Variants in FGFR2 observed in about 807,000 individuals in gnomAD.
FGFR2 encodes the protein BEK fibroblast growth factor receptor.
A neutral mutation model predicts 95.9 loss-of-function variants in FGFR2; 19 were observed. The ratio of observed to expected loss-of-function variants is 0.20; its 90% CI spans 0.14 to 0.29. FGFR2 has a LOEUF of 0.29. Among genes scored for constraint, FGFR2 ranks in the 10% least tolerant of loss-of-function variants. FGFR2 has a pLI of 1.00. For synonymous variants in FGFR2, 392 were observed against 393.3 expected, an observed-to-expected ratio of 1.00 and a Z score of 0.04; for missense variants, 707 against 1,056.9, an observed-to-expected ratio of 0.67 and a Z score of 4.59.
At chr10:121,550,097 T>A (rs1554947008) in intron 5 of FGFR2, among the ~76,000 whole-genome samples, 4 of 152,214 alleles carry the variant, frequency 2.6e-5, no homozygotes. Context: ...AATTTGGAAA[T>A]TCCATCTCTC....
At chr10:121,529,930 G>A (rs1851877541) in intron 6 of FGFR2, among the ~76,000 whole-genome samples, 1 of 152,128 alleles carries the variant, frequency 6.6e-6, no homozygotes, top group South Asian at 2.1e-4. Context: ...AGAGAGCTCT[G>A]CTCTATTTTC....
chr10:121,596,249 C>T (rs1863414702), intron 1 of FGFR2, among the ~76,000 whole-genome samples: 1 of 152,204 alleles, frequency 6.6e-6, no homozygotes, highest in Non-Finnish European at 1.5e-5. Flanking sequence ...GCCCCCCGGT[C>T]CATTTTCACC....
chr10:121,505,007 C>A (rs1848094788), intron 9 of FGFR2, among the ~76,000 whole-genome samples: 1 of 152,224 alleles, frequency 6.6e-6, no homozygotes, highest in Non-Finnish European at 1.5e-5. Flanking sequence ...AGGCAACTAG[C>A]CCACCCTGGG....
intron 2 of FGFR2, among the ~76,000 whole-genome samples, chr10:121,566,828 C>T (rs1017995240): frequency 6.6e-6 from 1 of 152,066 alleles, no homozygotes; most frequent in African/African-American, 2.4e-5. Context: ...AGACACATGG[C>T]CATGTCAAAC....
At chr10:121,556,843 G>A (rs1856236509) in intron 4 of FGFR2, among the ~76,000 whole-genome samples, 1 of 152,168 alleles carries the variant, frequency 6.6e-6, no homozygotes, top group Admixed American at 6.5e-5. Context: ...TCTGTCTCGA[G>A]TCTATAATTA....
intron 1 of FGFR2, chr10:121,594,193 CAG>C: frequency 6.8e-6 from 3 of 441,400 alleles, no homozygotes; most frequent in Non-Finnish European, 1.3e-5. Flanking sequence ...TTTTAAGAAA[CAG>C]AGATAAAACA....
chr10:121,545,335 A>G (rs1854343482), intron 5 of FGFR2, among the ~76,000 whole-genome samples: 1 of 152,218 alleles, frequency 6.6e-6, no homozygotes, highest in South Asian at 2.1e-4. Flanking sequence ...TGAAGCAAGC[A>G]GTTTAGCAAG....
intron 6 of FGFR2, chr10:121,526,629 G>T: frequency 2.5e-6 from 1 of 398,496 alleles, no homozygotes; most frequent in South Asian, 1.3e-4. Context: ...CGGCCAGGAA[G>T]ACCACCTTCA....
At chr10:121,570,350 C>A (rs768530520) in intron 2 of FGFR2, among the ~76,000 whole-genome samples, 1 of 152,212 alleles carries the variant, frequency 6.6e-6, no homozygotes, top group Non-Finnish European at 1.5e-5. Flanking sequence ...CCAGGCTGCG[C>A]GGAGCCAGGA....
At position 121,538,579 on chromosome 10, in the gene FGFR2, G is replaced by A. The variant is rs1383991810; in HGVS notation, c.748+13C>T. ...CTGGTATGCAGCCGCCACACGAGGA[G>A]AGGCAAACTCACCCACAACATCCAG... On this transcript the variant is annotated intron_variant, in intron 6 of 17. Transcript: ENST00000358487. The A allele has an allele frequency of 9.3e-6, 15 of 1,614,042 alleles. No individual in the cohort carries two copies. The highest frequency in any genetic ancestry group is 1.2e-5 in the Non-Finnish European group (14 of 1,180,036).
At position 121,489,093 on chromosome 10, in the gene FGFR2, A is replaced by G. The variant is rs41293777; in HGVS notation, c.1864-980T>C. Reference sequence around the variant, plus strand: ...TTGTTTTTGTTTTTTTTGTTTTAACATGGAGTCTTGTCCTTGTCGCCCAGG... The same window carrying G: ...TTGTTTTTGTTTTTTTTGTTTTAACGTGGAGTCTTGTCCTTGTCGCCCAGG... On this transcript the variant is annotated intron_variant, in intron 13 of 17. Coordinates refer to ENST00000358487, the MANE Select transcript of FGFR2 (RefSeq NM_000141.5). 6.6e-5 allele frequency among the ~76,000 whole-genome samples: 10 copies of G among 151,932 alleles called. No homozygotes were observed. In the East Asian group the frequency reaches 1.7e-3, roughly 26 times the overall value.
At chr10:121,538,114 G>C in intron 6 of FGFR2, 2 of 566,418 alleles carry the variant, frequency 3.5e-6, no homozygotes, top group Non-Finnish European at 6.3e-6. Flanking sequence ...ACTTTCTTGT[G>C]ATGGAAGTGA....
At chr10:121,512,074 A>G (rs1849123035) in intron 9 of FGFR2, among the ~76,000 whole-genome samples, 1 of 152,024 alleles carries the variant, frequency 6.6e-6, no homozygotes, top group Non-Finnish European at 1.5e-5. Context: ...GGAGACACTG[A>G]GTGATCCCTG....
intron 4 of FGFR2, among the ~76,000 whole-genome samples, chr10:121,552,871 T>G (rs559962813): frequency 6.6e-6 from 1 of 152,334 alleles, no homozygotes; most frequent in East Asian, 1.9e-4. Flanking sequence ...AAGGCTAGAC[T>G]GAACAACAGC....
intron 9 of FGFR2, among the ~76,000 whole-genome samples, chr10:121,511,595 CTGT>C (rs1849066735): frequency 6.6e-6 from 1 of 152,188 alleles, no homozygotes; most frequent in African/African-American, 2.4e-5. Context: ...TCTGGGCTGG[CTGT>C]TGTTGGTCTC....
At chr10:121,490,808 G>A (rs1288204428) in intron 13 of FGFR2, among the ~76,000 whole-genome samples, 6 of 152,068 alleles carry the variant, frequency 3.9e-5, no homozygotes, top group African/African-American at 1.2e-4. Context: ...ATTCCACCCC[G>A]ACCCCTAGCT....
chr10:121,559,720 G>T (rs1856680970), intron 4 of FGFR2, among the ~76,000 whole-genome samples: 1 of 152,228 alleles, frequency 6.6e-6, no homozygotes, highest in South Asian at 2.1e-4. Context: ...CTGCTTGCAA[G>T]GTGAAGGCAT....
At chr10:121,504,952 C>T (rs1048019879) in intron 9 of FGFR2, among the ~76,000 whole-genome samples, 1 of 152,146 alleles carries the variant, frequency 6.6e-6, no homozygotes, top group Admixed American at 6.5e-5. Context: ...AGACTTTGGC[C>T]CAAGAGAACA....
rs761776466 is a variant in FGFR2 at position 121,593,924 on chromosome 10, C to T, written c.-107G>A. 6.6e-6 allele frequency: 7 copies of T among 1,061,346 alleles called. No homozygotes were observed. The highest frequency in any genetic ancestry group is 8.7e-6 in the Non-Finnish European group (6 of 687,464). 65.7% of individuals were successfully genotyped at this position (1,061,346 alleles called of 1,614,324 possible). ...GACTACGCGCAATGCCTTCAGCCTGCGGTGGGCTCAGGAACCGAGGCGCTG... is the reference window on the plus strand; with the variant it reads ...GACTACGCGCAATGCCTTCAGCCTGTGGTGGGCTCAGGAACCGAGGCGCTG... On this transcript the variant is annotated 5_prime_UTR_variant, in exon 2 of 18. Transcript: ENST00000358487.
Sources: allele counts gnomAD v4.1 joint callset (sites outside exome capture counted in the v4.1 genomes callset), GRCh38; gene constraint gnomAD v4.1.1; transcripts MANE v1.5; gene names NCBI Gene and HGNC (gene_info 2026-07-23, HGNC 2026-07-21).